Variants in TMEM132D observed in about 807,000 individuals in gnomAD.
The protein encoded by TMEM132D is transmembrane protein 132D.
TMEM132D carries 21 observed loss-of-function variants against 62.3 expected under a neutral mutation model. The ratio of observed to expected loss-of-function variants is 0.34; its 90% CI spans 0.24 to 0.49. The LOEUF (loss-of-function observed/expected upper bound fraction) is 0.49, where lower values mean the gene tolerates loss of function less well. Among genes scored for constraint, TMEM132D ranks in the 20% least tolerant of loss-of-function variants. The pLI is 0.99. For synonymous variants in TMEM132D, 621 were observed against 575.6 expected, an observed-to-expected ratio of 1.08 and a Z score of -1.13; for missense variants, 1,346 against 1,402.8, an observed-to-expected ratio of 0.96 and a Z score of 0.65.
At position 129,101,746 on chromosome 12, in the gene TMEM132D, C is replaced by A. The variant is rs114451299; in HGVS notation, c.1444-17044G>T. 6.1e-3 allele frequency among the ~76,000 whole-genome samples: 924 copies of A among 152,146 alleles called. 6 individuals are homozygous for A. The highest frequency in any genetic ancestry group is 0.021 in the African/African-American group (885 of 41,494). On this transcript the variant is annotated intron_variant, in intron 5 of 8. Coordinates refer to ENST00000422113, the MANE Select transcript of TMEM132D (RefSeq NM_133448.3). The stretch of plus-strand genomic sequence containing the variant: ...TTTTTCTACCTAGGCTGTGACAGTT[C>A]ATTTATCATATATTCCAGGGACAAT...
rs142797243 is a variant in TMEM132D, at chr12:129,847,863, C to T, written c.79+55398G>A. 7.4e-4 allele frequency among the ~76,000 whole-genome samples: 112 copies of T among 152,144 alleles called. No homozygotes were observed. In the East Asian group the frequency reaches 0.012, roughly 16 times the overall value. ...GCAGTGCGGAACCCCAAGGTTGCCA[C>T]GGGAGAAGCTCCCAGACATGCATGG... is the stretch of plus-strand genomic sequence containing the variant. On this transcript the variant is annotated intron_variant, in intron 1 of 8. Coordinates refer to ENST00000422113, the MANE Select transcript of TMEM132D (RefSeq NM_133448.3).
At chr12:129,418,812 G>C (rs573361709) in intron 3 of TMEM132D, among the ~76,000 whole-genome samples, 7 of 152,298 alleles carry the variant, frequency 4.6e-5, no homozygotes, top group Non-Finnish European at 8.8e-5. Flanking sequence ...CTGTATACGG[G>C]TGGGTTCCAA....
chr12:129,584,038 T>C, intron 2 of TMEM132D, among the ~76,000 whole-genome samples: 1 of 152,142 alleles, frequency 6.6e-6, no homozygotes, highest in African/African-American at 2.4e-5. Context: ...TAAACATGCC[T>C]CAAAAGTTAG....
chr12:129,823,173 G>A (rs1027862874), intron 1 of TMEM132D, among the ~76,000 whole-genome samples: 6 of 152,290 alleles, frequency 3.9e-5, no homozygotes, highest in Non-Finnish European at 7.4e-5. Flanking sequence ...GAAGCTTCCT[G>A]AGGCCTCCCC....
intron 1 of TMEM132D, among the ~76,000 whole-genome samples, chr12:129,800,778 G>T (rs1323398579): frequency 1.3e-5 from 2 of 152,090 alleles, no homozygotes; most frequent in African/African-American, 4.8e-5. Flanking sequence ...GAAGACGGGT[G>T]ATTTCTCCAT....
At position 129,903,162 on chromosome 12, in the gene TMEM132D, C is replaced by A. The variant is rs1322968409; in HGVS notation, c.79+99G>T. The stretch of plus-strand genomic sequence containing the variant: ...ACAAGCGCGCACACACACTTGCACA[C>A]GAGCCCTCTCTCCCGGCCGCCCCCA... On this transcript the variant is annotated intron_variant, in intron 1 of 8. Transcript: ENST00000422113. The surrounding 1 kb of genome is among the most constrained non-coding windows in gnomAD (Gnocchi z 6.2). The A allele has an allele frequency of 4.0e-6, 5 of 1,259,328 alleles. No homozygotes were observed. In the African/African-American group the frequency reaches 4.5e-5, roughly 11 times the overall value. The allele number at this position is 1,259,328 out of a possible 1,614,324, so 78.0% of individuals were successfully genotyped here. A position where few individuals can be genotyped will look rare whatever the true frequency, so the allele number is the denominator to read the frequency against.
chr12:129,681,289 G>A (rs972633075), intron 2 of TMEM132D: 1 of 152,218 alleles, frequency 6.6e-6, no homozygotes, highest in Non-Finnish European at 1.5e-5. Context: ...AAATGCCACA[G>A]CTTTATTCTA....
chr12:129,324,134 G>C (rs1218328966), intron 4 of TMEM132D, among the ~76,000 whole-genome samples: 3 of 152,126 alleles, frequency 2.0e-5, no homozygotes, highest in African/African-American at 4.8e-5. Flanking sequence ...ACAGGAAGCT[G>C]ATCTTAGTGA....
chr12:129,777,272 A>G (rs10773705), intron 1 of TMEM132D, among the ~76,000 whole-genome samples: 101,810 of 152,158 alleles, frequency 0.67, 36,632 homozygotes, highest in Middle Eastern at 0.86. Flanking sequence ...CTCAGAGGAA[A>G]GTTGGGGCTC....
chr12:129,705,522 TAACTG>T (rs1373958974), intron 1 of TMEM132D, among the ~76,000 whole-genome samples: 2 of 152,244 alleles, frequency 1.3e-5, no homozygotes, highest in African/African-American at 4.8e-5. Flanking sequence ...AAGGATGTTC[TAACTG>T]AACAATTATC....
intron 1 of TMEM132D, among the ~76,000 whole-genome samples, chr12:129,785,283 A>G (rs143743896): frequency 5.3e-5 from 8 of 152,088 alleles, no homozygotes; most frequent in African/African-American, 1.9e-4. Context: ...TCTACTTAGT[A>G]TCAGACTCTA....
chr12:129,764,458 C>G (rs1870485426), intron 1 of TMEM132D, among the ~76,000 whole-genome samples: 1 of 152,100 alleles, frequency 6.6e-6, no homozygotes, highest in South Asian at 2.1e-4. Context: ...TTCTGGTAAC[C>G]TTTTCATTGG....
chr12:129,496,759 T>C (rs1231363352), intron 3 of TMEM132D, among the ~76,000 whole-genome samples: 6 of 152,140 alleles, frequency 3.9e-5, no homozygotes, highest in Admixed American at 3.3e-4. Flanking sequence ...ACACTACCTA[T>C]GGACCGAACC....
chr12:129,099,448 A>G (rs1294796731), intron 5 of TMEM132D, among the ~76,000 whole-genome samples: 1 of 152,214 alleles, frequency 6.6e-6, no homozygotes, highest in Non-Finnish European at 1.5e-5. Context: ...TTCTGGTGCC[A>G]GGTCACAAAA....
chr12:129,292,110 G>A (rs1881464216), intron 4 of TMEM132D, among the ~76,000 whole-genome samples: 1 of 152,154 alleles, frequency 6.6e-6, no homozygotes. Context: ...TGAGCTGGAA[G>A]AATATTAATA....
At position 129,903,412 on chromosome 12, in the gene TMEM132D, T is replaced by G; in HGVS notation, c.-73A>C. ...CGAACAAGAGACCGTCTCAGTCCCCTAGAGGCCCGCAGCGGGGCCGGTGGC... is the reference window on the plus strand; with the variant it reads ...CGAACAAGAGACCGTCTCAGTCCCCGAGAGGCCCGCAGCGGGGCCGGTGGC... On this transcript the variant is annotated 5_prime_UTR_variant, in exon 1 of 9. Coordinates refer to ENST00000422113, the MANE Select transcript of TMEM132D (RefSeq NM_133448.3). The surrounding 1 kb of genome is among the most constrained non-coding windows in gnomAD (Gnocchi z 6.2). 6.8e-7 allele frequency: 1 copy of G among 1,473,542 alleles called. No homozygotes were observed. Among genetic ancestry groups the G allele is most frequent in the Non-Finnish European group, 9.3e-7 (1 of 1,080,332 alleles). The allele number at this position is 1,473,542 out of a possible 1,614,324, so 91.3% of individuals were successfully genotyped here.
intron 3 of TMEM132D, among the ~76,000 whole-genome samples, chr12:129,520,048 T>C (rs1267665213): frequency 6.6e-6 from 1 of 152,218 alleles, no homozygotes; most frequent in East Asian, 1.9e-4. Flanking sequence ...ATAAGTATCT[T>C]GTACAGTACT....
chr12:129,479,322 G>T (rs1173884572), intron 3 of TMEM132D, among the ~76,000 whole-genome samples: 2 of 152,028 alleles, frequency 1.3e-5, no homozygotes, highest in Non-Finnish European at 2.9e-5. Context: ...AAGGATCCTG[G>T]GCTATTGTTA....
chr12:129,624,312 G>A (rs1440280152), intron 2 of TMEM132D, among the ~76,000 whole-genome samples: 3 of 152,144 alleles, frequency 2.0e-5, no homozygotes, highest in African/African-American at 7.2e-5. Context: ...GGGTCAGAGG[G>A]GCTGCGTGCC....
Sources: gnomAD v4.1 joint callset for allele counts (sites outside exome capture counted in the v4.1 genomes callset) on GRCh38, gnomAD v4.1.1 for gene constraint, Gnocchi (gnomAD v3.1) non-coding constraint, MANE v1.5 for transcripts, NCBI Gene and HGNC (gene_info 2026-07-23, HGNC 2026-07-21) for gene names.